PKHD1: variants seen among roughly 807,000 people sequenced by gnomAD.
PKHD1 encodes fibrocystin.
Under a neutral mutation model 412.0 loss-of-function variants are expected in PKHD1, and 291 were observed. That is an observed-to-expected ratio of 0.71 (90% CI 0.64 to 0.78). PKHD1 has a LOEUF of 0.78. PKHD1 is among the 30% of genes least tolerant of loss of function. The probability of loss-of-function intolerance (pLI) is 0.00; values close to 1 mark genes in which losing one functional copy is unlikely to be tolerated. For synonymous variants in PKHD1, 1,777 were observed against 1,821.5 expected (o/e 0.98, Z 0.62); for missense variants, 4,825 against 4,950.7 (o/e 0.97, Z 0.76).
At chr6:51,917,171 G>C (rs1783931452) in intron 37 of PKHD1, among the ~76,000 whole-genome samples, 1 of 136,812 alleles carries the variant, frequency 7.3e-6, no homozygotes, top group East Asian at 2.3e-4. Context: ...GGGAGGGAGA[G>C]AGGGAGAGAG....
chr6:51,897,372 G>A (rs1286299026), intron 43 of PKHD1, among the ~76,000 whole-genome samples: 1 of 152,110 alleles, frequency 6.6e-6, no homozygotes, highest in African/African-American at 2.4e-5. Context: ...CATTCTTAAA[G>A]AAAAGAATTT....
chr6:51,896,224 CA>C (rs1289079108), intron 43 of PKHD1, among the ~76,000 whole-genome samples: 1 of 129,374 alleles, frequency 7.7e-6, no homozygotes, highest in Non-Finnish European at 1.6e-5. Context: ...AGGGCACAGA[CA>C]AACAGACAAC....
chr6:51,848,591 G>A (rs145638240), intron 49 of PKHD1, among the ~76,000 whole-genome samples: 68 of 152,262 alleles, frequency 4.5e-4, no homozygotes, highest in Non-Finnish European at 8.8e-4. Flanking sequence ...CACCTCCAGA[G>A]GCACACCCTA....
intron 35 of PKHD1, among the ~76,000 whole-genome samples, chr6:51,972,928 G>A (rs533327083): frequency 2.2e-4 from 34 of 152,252 alleles, no homozygotes; most frequent in African/African-American, 7.7e-4. Flanking sequence ...TTTCAGAAAG[G>A]GCAATCTGAT....
At chr6:51,855,284 T>C (rs1394119253) in intron 49 of PKHD1, among the ~76,000 whole-genome samples, 1 of 152,260 alleles carries the variant, frequency 6.6e-6, no homozygotes, top group African/African-American at 2.4e-5. Context: ...TGGTTGCCGA[T>C]GAAGGCTTCA....
Position 51,950,220 on chromosome 6 carries a change from A to AAAAAAATATATAT in PKHD1, c.5908+9649_5908+9650insATATATATTTTTT. 3.6e-3 allele frequency among the ~76,000 whole-genome samples: 356 copies of AAAAAAATATATAT among 98,278 alleles called. 4 individuals carry two copies. The highest frequency in any genetic ancestry group is 5.1e-3 in the Non-Finnish European group (263 of 51,184). The allele number at this position is 98,278 out of a possible 152,430, so 64.5% of individuals were successfully genotyped here. On this transcript the variant is annotated intron_variant, in intron 36 of 66. Coordinates refer to ENST00000371117, the MANE Select transcript of PKHD1 (RefSeq NM_138694.4). Reference sequence around the variant, plus strand: ...AATGGGCAATATAGAGAAAAAAAAAAATATATATATATATATATATGAAAT... The same window carrying AAAAAAATATATAT: ...AATGGGCAATATAGAGAAAAAAAAAAAAAAAATATATATATATATATATATATATATATGAAAT...
At chr6:52,008,721 T>C (rs1210751789) in intron 35 of PKHD1, among the ~76,000 whole-genome samples, 1 of 152,168 alleles carries the variant, frequency 6.6e-6, no homozygotes, top group Non-Finnish European at 1.5e-5. Flanking sequence ...CAGCTCTCAG[T>C]GGCGCACACC....
At chr6:51,753,100 A>T in intron 57 of PKHD1, 101 bp downstream of exon 57, 1 of 1,055,542 alleles carries the variant, frequency 9.5e-7, no homozygotes, top group Non-Finnish European at 1.4e-6. Flanking sequence ...TCATTTGAAC[A>T]TTTTGTTTTA....
intron 23 of PKHD1, among the ~76,000 whole-genome samples, chr6:52,047,409 C>G (rs1326287207): frequency 6.6e-6 from 1 of 152,134 alleles, no homozygotes; most frequent in Non-Finnish European, 1.5e-5. Context: ...GGGCAAAAGA[C>G]TTTTGGACCA....
chr6:52,039,121 T>C (rs1349976386), intron 27 of PKHD1, among the ~76,000 whole-genome samples: 2 of 152,188 alleles, frequency 1.3e-5, no homozygotes, highest in Non-Finnish European at 2.9e-5. Flanking sequence ...AATAAGCACA[T>C]GAAAAGATAT....
rs1774200354 is a variant in PKHD1, at chr6:51,861,634, A to G, written c.7734-5564T>C. On this transcript the variant is annotated intron_variant, in intron 48 of 66. Transcript: ENST00000371117. ...CATGAGCATCCTTTAAAAATACACC[A>G]TGCTCATAACAATCCTTGTCACAGC... 2.6e-5 allele frequency among the ~76,000 whole-genome samples: 4 copies of G among 152,200 alleles called. No individual in the cohort carries two copies. In the South Asian group the frequency reaches 8.3e-4, roughly 32 times the overall value.
intron 53 of PKHD1, among the ~76,000 whole-genome samples, chr6:51,782,540 G>A (rs1219359486): frequency 6.6e-6 from 1 of 152,116 alleles, no homozygotes; most frequent in Non-Finnish European, 1.5e-5. Context: ...AGCTTCAAAA[G>A]TCACATCCCT....
At chr6:52,023,609 C>T (rs931729155) in intron 32 of PKHD1, among the ~76,000 whole-genome samples, 1 of 152,042 alleles carries the variant, frequency 6.6e-6, no homozygotes, top group Admixed American at 6.5e-5. Context: ...TAAAACCAGT[C>T]CACATTTCTA....
At chr6:52,057,528 T>C (rs1383629561) in intron 16 of PKHD1, among the ~76,000 whole-genome samples, 1 of 152,164 alleles carries the variant, frequency 6.6e-6, no homozygotes, top group Non-Finnish European at 1.5e-5. Flanking sequence ...GCAATTCTCC[T>C]GCCTCAGCCT....
At chr6:51,765,657 T>C (rs1250798277) in intron 55 of PKHD1, among the ~76,000 whole-genome samples, 1 of 152,108 alleles carries the variant, frequency 6.6e-6, no homozygotes, top group East Asian at 1.9e-4. Flanking sequence ...TATCACCATA[T>C]TGACTTCCTT....
intron 52 of PKHD1, among the ~76,000 whole-genome samples, chr6:51,801,108 T>C (rs138481096): frequency 1.5e-3 from 228 of 152,322 alleles, no homozygotes; most frequent in African/African-American, 5.2e-3. Flanking sequence ...GCTTTAAATA[T>C]ACATTTTACA....
intron 19 of PKHD1, among the ~76,000 whole-genome samples, chr6:52,055,102 T>C (rs10948668): frequency 0.15 from 22,185 of 152,234 alleles, 1,669 homozygotes; most frequent in Middle Eastern, 0.24. Flanking sequence ...ACTAGAGTAA[T>C]AATAATTAGC....
chr6:51,937,232 C>A (rs558482042), intron 36 of PKHD1, among the ~76,000 whole-genome samples: 1 of 152,162 alleles, frequency 6.6e-6, no homozygotes. Context: ...TGGAAGCCCC[C>A]ACTCCTACTT....
rs1807858807 is a variant in PKHD1 at position 52,056,979 on chromosome 6, C to T, written c.1513G>A (p.Val505Met). Residue 505 changes from valine (V) to methionine (M), a missense_variant and splice_region_variant, in exon 17 of 67, where the codon GTG becomes ATG. Transcript: ENST00000371117. ...TTTCCTCTGCCTGATACATTCAGCA[C>T]CTAAAAAAGTCAAGACAGACAAGAC... ...VRAQRLPEVQ[V>M]LNVSGRGNFF... 5.0e-6 allele frequency: 8 copies of T among 1,609,538 alleles called. No homozygotes were observed. In the Admixed American group the frequency reaches 1.3e-4, roughly 27 times the overall value.
Sources: allele counts gnomAD v4.1 joint callset (sites outside exome capture counted in the v4.1 genomes callset), GRCh38; gene constraint gnomAD v4.1.1; transcripts MANE v1.5; gene names NCBI Gene and HGNC (gene_info 2026-07-23, HGNC 2026-07-21).